SEC24A: variants seen among roughly 807,000 people sequenced by gnomAD.
The protein encoded by SEC24A is protein transport protein Sec24A.
In SEC24A, 93 loss-of-function variants were observed where a neutral mutation model predicts 129.4. The observed-to-expected ratio is 0.72, with a 90% CI of 0.61 to 0.85. The LOEUF is 0.85. Ranked by LOEUF, SEC24A falls within the 40% of genes least tolerant of loss-of-function variation. SEC24A has a pLI of 0.00. For synonymous variants in SEC24A, 460 were observed against 467.3 expected (o/e 0.98, Z 0.20); for missense variants, 1,264 against 1,307.4 (o/e 0.97, Z 0.51).
At position 134,666,860 on chromosome 5, in the gene SEC24A, TACA is replaced by T. The variant is rs1022763123; in HGVS notation, c.606_608del (p.Thr203del). The T allele has an allele frequency of 1.9e-6, 3 of 1,613,946 alleles. No homozygotes were observed. In the African/African-American group the frequency reaches 4.0e-5, roughly 22 times the overall value. ...CTCCCTTAGTGAATCCACCTCTGCC[TACA>T]ACTTTTCAACCAGGAGCTCCTCATG... On this transcript the variant is annotated inframe_deletion, in exon 3 of 23. Coordinates refer to ENST00000398844, the MANE Select transcript of SEC24A (RefSeq NM_021982.3).
intron 16 of SEC24A, 103 bp from the exon 17 acceptor site, chr5:134,705,224 C>T: frequency 1.3e-6 from 1 of 783,282 alleles, no homozygotes; most frequent in Non-Finnish European, 2.1e-6. Context: ...TACAGGGATG[C>T]ACCACTGCAC....
chr5:134,679,671 G>A lies in SEC24A; in HGVS notation c.1324G>A (p.Val442Ile), dbSNP rs1005793552. The change falls in exon 8 of 23, where the codon GTC becomes ATC. Residue 442 changes from valine (V) to isoleucine (I), a missense_variant. By Grantham distance (29) the Val-to-Ile change is conservative. Transcript: ENST00000398844. The stretch of plus-strand genomic sequence containing the variant: ...ATGCAGGACGTACATCAATCCTTTC[G>A]TCAGCTTTCTTGATCAAAGGAGATG... ...RSCRTYINPF[V>I]SFLDQRRWKC... 2.5e-6 allele frequency: 4 copies of A among 1,598,732 alleles called. No individual in the cohort carries two copies. The highest frequency in any genetic ancestry group is 2.2e-5 in the East Asian group (1 of 44,670).
intron 21 of SEC24A, among the ~76,000 whole-genome samples, chr5:134,721,668 T>C (rs1316586079): frequency 1.3e-5 from 2 of 151,916 alleles, no homozygotes; most frequent in Non-Finnish European, 2.9e-5. Context: ...GCCCTGGAGT[T>C]TGAGACCACC....
At chr5:134,682,659 C>A (rs951608944) in intron 9 of SEC24A, among the ~76,000 whole-genome samples, 177 bp downstream of exon 9, 2 of 152,148 alleles carry the variant, frequency 1.3e-5, no homozygotes, top group African/African-American at 4.8e-5. Context: ...ACTGCAGCCT[C>A]GACCTCCCGT....
chr5:134,694,576 G>A (rs2150098335), intron 13 of SEC24A, among the ~76,000 whole-genome samples: 1 of 152,134 alleles, frequency 6.6e-6, no homozygotes, highest in Admixed American at 6.6e-5. Context: ...GAACCCGGGA[G>A]GCGGAGCTTG....
chr5:134,666,907 G>C lies in SEC24A; in HGVS notation c.650G>C (p.Gly217Ala). 1 of 1,613,704 alleles carries C rather than the reference G, an allele frequency of 6.2e-7. No individual in the cohort carries two copies. Among genetic ancestry groups the C allele is most frequent in the Non-Finnish European group, 8.5e-7 (1 of 1,179,766 alleles). Residue 217 changes from glycine to alanine, a missense_variant, in exon 3 of 23, where the codon GGC (glycine) becomes GCC (alanine). Physicochemically the swap from Gly to Ala is moderately conservative, Grantham distance 60. Coordinates refer to ENST00000398844, the MANE Select transcript of SEC24A (RefSeq NM_021982.3). Reference protein sequence around the residue: ...GAPHGPPPAGGPPPVRALTPL... With the variant: ...GAPHGPPPAGAPPPVRALTPL... ...CCTCATGGGCCCCCTCCAGCTGGAG[G>C]CCCACCCCCAGTGAGGGCCCTCACG...
At chr5:134,718,861 T>C (rs1310959166) in intron 20 of SEC24A, among the ~76,000 whole-genome samples, 1 of 151,404 alleles carries the variant, frequency 6.6e-6, no homozygotes, top group Non-Finnish European at 1.5e-5. Flanking sequence ...TCCTAACTAC[T>C]TGGGAAGCCG....
intron 15 of SEC24A, among the ~76,000 whole-genome samples, chr5:134,700,723 AT>A (rs906321929): frequency 3.4e-4 from 49 of 144,798 alleles, no homozygotes; most frequent in East Asian, 8.1e-4. Flanking sequence ...TTTTTACTTT[AT>A]TTTTTTTTTT....
chr5:134,718,578 G>A (rs915068090), intron 20 of SEC24A, among the ~76,000 whole-genome samples: 2 of 152,278 alleles, frequency 1.3e-5, no homozygotes, highest in African/African-American at 4.8e-5. Flanking sequence ...GGAGGTGGAA[G>A]ACAGTGAGAT....
At chr5:134,719,971 G>A (rs1752585006) in intron 20 of SEC24A, among the ~76,000 whole-genome samples, 1 of 151,800 alleles carries the variant, frequency 6.6e-6, no homozygotes, top group Admixed American at 6.6e-5. Flanking sequence ...GGCAACAAGA[G>A]CAAAACTACG....
chr5:134,698,572 C>T (rs1204085312), intron 15 of SEC24A, among the ~76,000 whole-genome samples: 4 of 148,118 alleles, frequency 2.7e-5, no homozygotes, highest in Non-Finnish European at 5.9e-5. Context: ...CACACCACTG[C>T]ACTCCGGCCT....
intron 7 of SEC24A, among the ~76,000 whole-genome samples, chr5:134,678,968 G>GCCTC (rs1751167301): frequency 6.6e-6 from 1 of 152,052 alleles, no homozygotes; most frequent in African/African-American, 2.4e-5. Context: ...TCCTGCCTTG[G>GCCTC]CCTCCCACCA....
chr5:134,690,075 A>G (rs953517697), intron 11 of SEC24A, among the ~76,000 whole-genome samples: 1 of 152,148 alleles, frequency 6.6e-6, no homozygotes, highest in Admixed American at 6.5e-5. Context: ...CTGGAGCGCA[A>G]TGGCGCCATC....
intron 19 of SEC24A, among the ~76,000 whole-genome samples, chr5:134,716,315 A>G (rs1752474227): frequency 6.6e-6 from 1 of 151,724 alleles, no homozygotes; most frequent in Non-Finnish European, 1.5e-5. Flanking sequence ...ACGAAAAACA[A>G]AAAAATTGGC....
At chr5:134,667,632 C>G (rs1580690689) in intron 3 of SEC24A, among the ~76,000 whole-genome samples, 1 of 131,552 alleles carries the variant, frequency 7.6e-6, no homozygotes, top group African/African-American at 2.9e-5. Context: ...CCAGCCTGGG[C>G]GACAGAACCA....
chr5:134,701,971 G>A (rs796608228), intron 15 of SEC24A, among the ~76,000 whole-genome samples: 1 of 152,120 alleles, frequency 6.6e-6, no homozygotes, highest in Non-Finnish European at 1.5e-5. Flanking sequence ...GAGAACTCAA[G>A]CATAACTTCT....
In SEC24A at chr5:134,697,998, A is replaced by G. The variant is rs763287377; in HGVS notation, c.2207A>G (p.Gln736Arg). 2.5e-6 allele frequency: 4 copies of G among 1,614,066 alleles called. No homozygotes were observed. In the South Asian group the frequency reaches 3.3e-5, roughly 13 times the overall value. ...VQVQKLQKEL[Q>R]RYLTRKIGFE... ...GTACAGAAATTACAGAAGGAACTAC[A>G]GAGATACCTTACTCGGAAGATTGGC... The change falls in exon 15 of 23, where the codon CAG (glutamine) becomes CGG (arginine). Residue 736 changes from glutamine to arginine, a missense_variant. By Grantham distance (43) the Gln-to-Arg change is conservative (BLOSUM62 1). Coordinates refer to ENST00000398844, the MANE Select transcript of SEC24A (RefSeq NM_021982.3).
chr5:134,711,591 T>C (rs1580735813), intron 18 of SEC24A, among the ~76,000 whole-genome samples: 1 of 145,666 alleles, frequency 6.9e-6, no homozygotes, highest in African/African-American at 2.5e-5. Context: ...TTTTTAACAG[T>C]CTCGCTATGT....
At chr5:134,659,047 T>TTTTATTTATTTATTTATTTA (rs142189667) in intron 1 of SEC24A, among the ~76,000 whole-genome samples, 5 of 138,764 alleles carry the variant, frequency 3.6e-5, no homozygotes, top group Non-Finnish European at 6.2e-5. Flanking sequence ...ACCCATTTAT[T>TTTTATTTATTTATTTATTTA]TTTATTTATT....
Sources: gnomAD v4.1 joint callset for allele counts (sites outside exome capture counted in the v4.1 genomes callset) on GRCh38, gnomAD v4.1.1 for gene constraint, MANE v1.5 for transcripts, NCBI Gene and HGNC (gene_info 2026-07-23, HGNC 2026-07-21) for gene names.